Variants in POLA2 observed in about 807,000 individuals in gnomAD.
POLA2 encodes the protein DNA polymerase alpha 2, accessory subunit, also known as DNA polymerase alpha subunit B.
A neutral mutation model predicts 82.8 loss-of-function variants in POLA2; 47 were observed. The ratio of observed to expected loss-of-function variants is 0.57; its 90% CI spans 0.45 to 0.72. POLA2 has a LOEUF of 0.72. POLA2 is among the 30% of genes least tolerant of loss of function. The pLI is 0.00. For synonymous variants in POLA2, 287 were observed against 286.8 expected (o/e 1.00, Z -0.01); for missense variants, 634 against 728.1 (o/e 0.87, Z 1.49).
In POLA2 at chr11:65,297,398, C is replaced by A; in HGVS notation, c.*129C>A. 1 of 1,103,732 alleles carries A rather than the reference C, an allele frequency of 9.1e-7. No individual in the cohort carries two copies. The allele number at this position is 1,103,732 out of a possible 1,614,324, so 68.4% of individuals were successfully genotyped here. A position where few individuals can be genotyped will look rare whatever the true frequency, so the allele number is the denominator to read the frequency against. ...AGAGGAGCCAGCCAGGGAGGGGCAG[C>A]TGCAGTGACCAGGCCCAGCAGGGAG... On this transcript the variant is annotated 3_prime_UTR_variant, in exon 18 of 18. Coordinates refer to ENST00000265465, the MANE Select transcript of POLA2 (RefSeq NM_002689.4).
chr11:65,278,876 C>G lies in POLA2; in HGVS notation c.608C>G (p.Thr203Ser). 3 of 1,613,740 alleles carry G rather than the reference C, an allele frequency of 1.9e-6. No individual in the cohort carries two copies. The highest frequency in any genetic ancestry group is 2.5e-6 in the Non-Finnish European group (3 of 1,180,014). Residue 203 changes from threonine to serine, a missense_variant, in exon 6 of 18, where the codon ACT becomes AGT. Transcript: ENST00000265465. ...GTCTTGGGATGTCCAGAGGCACTAACTGGGAGCTACAAATCCATGTTTCAG... is the reference window on the plus strand; with the variant it reads ...GTCTTGGGATGTCCAGAGGCACTAAGTGGGAGCTACAAATCCATGTTTCAG... ...LKVLGCPEALTGSYKSMFQKL... is the reference protein window; with the variant it reads ...LKVLGCPEALSGSYKSMFQKL...
chr11:65,292,149 T>C (rs1949761706), intron 13 of POLA2, among the ~76,000 whole-genome samples: 1 of 152,128 alleles, frequency 6.6e-6, no homozygotes, highest in African/African-American at 2.4e-5. Context: ...TGAGGCAGAA[T>C]TGCTTGAACC....
chr11:65,282,414 T>TC lies in POLA2; in HGVS notation c.964-61dup. 2.1e-6 allele frequency: 3 copies of TC among 1,411,222 alleles called. No individual in the cohort carries two copies. In the South Asian group the frequency reaches 3.5e-5, roughly 16 times the overall value. The allele number at this position is 1,411,222 out of a possible 1,614,324, so 87.4% of individuals were successfully genotyped here. ...CTGCACCACCCCCAACCTGGTGCCC[T>TC]CCCCTTTCCTTACCAAGGTGATGCC... is the stretch of plus-strand genomic sequence containing the variant. On this transcript the variant is annotated intron_variant, in intron 9 of 17. Coordinates refer to ENST00000265465, the MANE Select transcript of POLA2 (RefSeq NM_002689.4).
intron 13 of POLA2, 55 bp from the exon 14 acceptor site, chr11:65,294,098 T>G: frequency 6.7e-7 from 1 of 1,490,242 alleles, no homozygotes; most frequent in South Asian, 1.1e-5. Flanking sequence ...GCAGCTGTTC[T>G]AACTCAACTG....
chr11:65,294,367 G>C (rs760187984), intron 14 of POLA2, 106 bp downstream of exon 14: 6 of 1,024,358 alleles, frequency 5.9e-6, no homozygotes, highest in Admixed American at 3.7e-5. Flanking sequence ...TAGGGTGTGC[G>C]TACAGCCTGA....
In POLA2 at chr11:65,281,163, T is replaced by C; in HGVS notation, c.900+16T>C. 1.9e-6 allele frequency: 3 copies of C among 1,612,630 alleles called. No individual in the cohort carries two copies. Among genetic ancestry groups the C allele is most frequent in the Non-Finnish European group, 2.5e-6 (3 of 1,179,138 alleles). ...TCCTGGACAGGTGAGATTGGAGGAG[T>C]TCCACCAGAATGCAGGCGCACTCTT... On this transcript the variant is annotated intron_variant, in intron 8 of 17. Transcript: ENST00000265465.
rs750290154 is a variant in POLA2 at position 65,266,673 on chromosome 11, T to C, written c.171T>C (p.Leu57=). The C allele has an allele frequency of 1.2e-6, 2 of 1,614,198 alleles. No individual in the cohort carries two copies. The highest frequency in any genetic ancestry group is 1.7e-6 in the Non-Finnish European group (2 of 1,180,016). The stretch of plus-strand genomic sequence containing the variant: ...GCACCAGCACACATAAAGTTGGCCT[T>C]ACCTCAGAGATCCTGAACTCTTTTG... The part of the protein sequence containing the change: ...AFCTSTHKVG[L]TSEILNSFEH... The change falls in exon 2 of 18, where the codon CTT becomes CTC. Residue 57 remains leucine, a synonymous_variant. Transcript: ENST00000265465.
chr11:65,266,436 C>A, intron 1 of POLA2, 146 bp from the exon 2 acceptor site: 1 of 750,458 alleles, frequency 1.3e-6, no homozygotes, highest in Non-Finnish European at 2.2e-6. Flanking sequence ...AAGGATGCTT[C>A]TGTTTTCTCA....
intron 4 of POLA2, among the ~76,000 whole-genome samples, chr11:65,271,893 G>A (rs1408807408): frequency 6.6e-6 from 1 of 151,946 alleles, no homozygotes; most frequent in Non-Finnish European, 1.5e-5. Context: ...AAATGAGTTG[G>A]AGTGAAATGT....
chr11:65,282,864 C>T (rs896685864), intron 10 of POLA2, among the ~76,000 whole-genome samples: 3 of 152,160 alleles, frequency 2.0e-5, no homozygotes, highest in African/African-American at 4.8e-5. Flanking sequence ...TGCGGTGGCT[C>T]ACACCTGTAT....
intron 1 of POLA2, among the ~76,000 whole-genome samples, chr11:65,264,370 A>G (rs748766143): frequency 6.6e-6 from 1 of 151,904 alleles, no homozygotes; most frequent in South Asian, 2.1e-4. Flanking sequence ...CACCTGTTCT[A>G]CTTTTTGTAT....
chr11:65,279,593 T>G lies in POLA2; in HGVS notation c.711T>G (p.Ile237Met). The G allele has an allele frequency of 6.2e-7, 1 of 1,613,772 alleles. No individual in the cohort carries two copies. The highest frequency in any genetic ancestry group is 8.5e-7 in the Non-Finnish European group (1 of 1,179,698). Residue 237 changes from isoleucine (I) to methionine (M), a missense_variant, in exon 7 of 18, where the codon ATT becomes ATG. Transcript: ENST00000265465. ...LGSELKEHYK[I>M]EAFTPLLAPA... Reference sequence around the variant, plus strand: ...GCGAACTCAAGGAACATTACAAGATTGAAGCTTTCACTCCTTTGCTAGCCC... The same window carrying G: ...GCGAACTCAAGGAACATTACAAGATGGAAGCTTTCACTCCTTTGCTAGCCC...
In POLA2 at chr11:65,274,408, A is replaced by C. The variant is rs144315193; in HGVS notation, c.355-1484A>C. 2.0e-3 allele frequency among the ~76,000 whole-genome samples: 305 copies of C among 151,520 alleles called. 1 individual carries two copies. The highest frequency in any genetic ancestry group is 6.5e-3 in the African/African-American group (270 of 41,302). On this transcript the variant is annotated intron_variant, in intron 4 of 17. Coordinates refer to ENST00000265465, the MANE Select transcript of POLA2 (RefSeq NM_002689.4). The stretch of plus-strand genomic sequence containing the variant: ...AAGGGAAAAAGATTGGGTCAGGTGC[A>C]GTAGCTCATGGGTGTAATTCCAGCA...
At chr11:65,299,675 C>T (rs1949848470), downstream of POLA2, among the ~76,000 whole-genome samples, 1 of 152,184 alleles carries the variant, frequency 6.6e-6, no homozygotes, top group Non-Finnish European at 1.5e-5. Flanking sequence ...TGGGAGTAGC[C>T]ATCTGCGCTG....
In POLA2 at chr11:65,266,098, C is replaced by G. The variant is rs182926983; in HGVS notation, c.80-484C>G. On this transcript the variant is annotated intron_variant, in intron 1 of 17. Coordinates refer to ENST00000265465, the MANE Select transcript of POLA2 (RefSeq NM_002689.4). ...AAACTAAGCTCCTGGTATCTCCTCTCTCTCCTCAGAGTAGTTCCTCTGGCT... is the reference window on the plus strand; with the variant it reads ...AAACTAAGCTCCTGGTATCTCCTCTGTCTCCTCAGAGTAGTTCCTCTGGCT... Among the ~76,000 whole-genome samples the G allele has an allele frequency of 6.6e-5, 10 of 152,320 alleles. No homozygotes were observed. The East Asian group carries it at 1.7e-3, about 26-fold the overall frequency.
At chr11:65,291,078 G>A (rs1427560037) in intron 13 of POLA2, among the ~76,000 whole-genome samples, 1 of 152,236 alleles carries the variant, frequency 6.6e-6, no homozygotes, top group African/African-American at 2.4e-5. Flanking sequence ...GCCGGAAGTG[G>A]AAAGTTATTC....
chr11:65,287,930 C>T, intron 11 of POLA2, 90 bp downstream of exon 11: 1 of 1,220,914 alleles, frequency 8.2e-7, no homozygotes. Context: ...GTCAGTCCCT[C>T]CTCCTTTTAG....
intron 1 of POLA2, among the ~76,000 whole-genome samples, chr11:65,263,847 A>G (rs1192892237): frequency 6.6e-6 from 1 of 151,950 alleles, no homozygotes; most frequent in Non-Finnish European, 1.5e-5. Context: ...AAAAAGACTT[A>G]AGTGGAAAAC....
chr11:65,296,263 C>T (rs993325244), intron 17 of POLA2: 6 of 384,482 alleles, frequency 1.6e-5, no homozygotes, highest in Admixed American at 3.7e-5. Context: ...GGGCTTTCAC[C>T]AGGCCACATA....
Sources: gnomAD v4.1 joint callset for allele counts (sites outside exome capture counted in the v4.1 genomes callset) on GRCh38, gnomAD v4.1.1 for gene constraint, MANE v1.5 for transcripts, NCBI Gene and HGNC (gene_info 2026-07-23, HGNC 2026-07-21) for gene names.